Variants in SATB2 observed in about 807,000 individuals in gnomAD.
SATB2 encodes DNA-binding protein SATB2.
SATB2 carries 1 observed loss-of-function variant against 73.4 expected under a neutral mutation model. That is an observed-to-expected ratio of 0.01 (90% CI 0.00 to 0.06). The LOEUF is 0.06. Among genes scored for constraint, SATB2 ranks in the 10% least tolerant of loss-of-function variants. SATB2 has a pLI of 1.00. For synonymous variants in SATB2, 397 were observed against 367.0 expected (o/e 1.08, Z -0.93); for missense variants, 459 against 945.8 (o/e 0.49, Z 6.75).
Position 199,272,556 on chromosome 2 carries a change from T to C in SATB2, c.1857A>G (p.Thr619=), listed in dbSNP as rs772697364. 1.9e-6 allele frequency: 3 copies of C among 1,614,180 alleles called. No homozygotes were observed. The highest frequency in any genetic ancestry group is 2.5e-6 in the Non-Finnish European group (3 of 1,180,020). Residue 619 remains threonine (T), a synonymous_variant, in exon 11 of 11, where the codon ACA becomes ACG. Transcript: ENST00000417098. This position sits in a 1 kb window ranked among gnomAD's most constrained non-coding sequence, Gnocchi z 6.7. ...TCCCCAGGGCTTCTAAGGAGATCTT[T>C]GTGCGAGACCGGGGCTTTTTGGCAC... ...DSCAKKPRSR[T]KISLEALGIL...
rs1295968813 is a variant in SATB2, at chr2:199,270,535, T to C, written c.*1676A>G. 6.7e-6 allele frequency: 1 copy of C among 149,486 alleles called. No individual in the cohort carries two copies. Among genetic ancestry groups the C allele is most frequent in the African/African-American group, 2.4e-5 (1 of 40,898 alleles). The allele number at this position is 149,486 out of a possible 1,614,324, so 9.3% of individuals were successfully genotyped here. ...CAAAAAAAAAAAAAAAATCCAACCA[T>C]GTGGGACTGTTTAATGGCCAGTTTA... On this transcript the variant is annotated 3_prime_UTR_variant, in exon 11 of 11. Transcript: ENST00000417098.
intron 7 of SATB2, among the ~76,000 whole-genome samples, chr2:199,343,888 A>G (rs1218785891): frequency 6.6e-6 from 1 of 152,202 alleles, no homozygotes; most frequent in Non-Finnish European, 1.5e-5. Context: ...TGCTTCAATT[A>G]GACCTTTTAT....
rs182945376 is a variant in SATB2, at chr2:199,433,679, T to C, written c.170-165A>G. 1.1e-3 allele frequency among the ~76,000 whole-genome samples: 173 copies of C among 152,234 alleles called. No individual in the cohort carries two copies. In the Middle Eastern group the frequency reaches 0.017, roughly 15 times the overall value. ...TATAGGTCTAATGGAAAGCTGTGGG[T>C]TTTCCCCCTCTATTATTACAGAATT... On this transcript the variant is annotated intron_variant, in intron 2 of 10. Coordinates refer to ENST00000417098, the MANE Select transcript of SATB2 (RefSeq NM_001172509.2).
intron 3 of SATB2, among the ~76,000 whole-genome samples, chr2:199,423,207 T>C (rs1345777022): frequency 6.6e-6 from 1 of 152,158 alleles, no homozygotes; most frequent in African/African-American, 2.4e-5. Flanking sequence ...ATTGAGTTGC[T>C]TATTTTCCAT....
intron 9 of SATB2, among the ~76,000 whole-genome samples, chr2:199,319,874 G>C (rs966875787): frequency 6.6e-5 from 10 of 152,048 alleles, no homozygotes; most frequent in Non-Finnish European, 1.5e-5. Context: ...ATCAGTGTCT[G>C]GGAAATGGGG....
chr2:199,454,773 A>G (rs1692225262), intron 2 of SATB2, among the ~76,000 whole-genome samples: 2 of 152,200 alleles, frequency 1.3e-5, no homozygotes, highest in South Asian at 4.1e-4. Context: ...TCAACTCTTT[A>G]AGGAGGAATG....
intron 5 of SATB2, among the ~76,000 whole-genome samples, chr2:199,372,443 T>C (rs1029334634): frequency 3.3e-5 from 5 of 152,172 alleles, no homozygotes; most frequent in African/African-American, 1.2e-4. Context: ...TTCTTTTAGG[T>C]TCCTGAAACA....
chr2:199,364,732 A>G (rs1040529593), intron 6 of SATB2, among the ~76,000 whole-genome samples: 1 of 152,152 alleles, frequency 6.6e-6, no homozygotes, highest in Admixed American at 6.6e-5. Context: ...AATAATTGGG[A>G]TTGACCTCAC....
At position 199,271,931 on chromosome 2, in the gene SATB2, T is replaced by C. The variant is rs1384284538; in HGVS notation, c.*280A>G. On this transcript the variant is annotated 3_prime_UTR_variant, in exon 11 of 11. Transcript: ENST00000417098. ...GAGTCTCCTGTGATTATAATGACTA[T>C]GATCCAGTCATAGAGACGGGATAAA... 7 of 476,738 alleles carry C rather than the reference T, an allele frequency of 1.5e-5. No individual in the cohort carries two copies. The highest frequency in any genetic ancestry group is 2.7e-5 in the Non-Finnish European group (7 of 260,966). The allele number at this position is 476,738 out of a possible 1,614,324, so 29.5% of individuals were successfully genotyped here. A position where few individuals can be genotyped will look rare whatever the true frequency, so the allele number is the denominator to read the frequency against.
At chr2:199,320,204 C>T (rs576104518) in intron 9 of SATB2, among the ~76,000 whole-genome samples, 42 of 152,148 alleles carry the variant, frequency 2.8e-4, no homozygotes, top group South Asian at 4.2e-4. Flanking sequence ...ACACAGAAAA[C>T]GCTCCATATG....
intron 6 of SATB2, among the ~76,000 whole-genome samples, chr2:199,359,701 T>A (rs1689083596): frequency 6.6e-6 from 1 of 152,168 alleles, no homozygotes; most frequent in Non-Finnish European, 1.5e-5. Flanking sequence ...AATGGATATG[T>A]TCCTGTGTTC....
In SATB2 at chr2:199,272,560, C is replaced by T. The variant is rs1223479618; in HGVS notation, c.1853G>A (p.Arg618His). The T allele has an allele frequency of 1.2e-6, 2 of 1,614,064 alleles. No homozygotes were observed. Among genetic ancestry groups the T allele is most frequent in the South Asian group, 1.1e-5 (1 of 91,072 alleles). Reference sequence around the variant, plus strand: ...CAGGGCTTCTAAGGAGATCTTTGTGCGAGACCGGGGCTTTTTGGCACAACT... The same window carrying T: ...CAGGGCTTCTAAGGAGATCTTTGTGTGAGACCGGGGCTTTTTGGCACAACT... ...EDSCAKKPRS[R>H]TKISLEALGI... Residue 618 changes from arginine (R) to histidine (H), a missense_variant, in exon 11 of 11, where the codon CGC becomes CAC. By Grantham distance (29) the Arg-to-His change is conservative. Transcript: ENST00000417098. The surrounding 1 kb of genome is among the most constrained non-coding windows in gnomAD (Gnocchi z 6.7).
intron 5 of SATB2, among the ~76,000 whole-genome samples, chr2:199,370,398 T>C (rs1483112396): frequency 6.6e-6 from 1 of 152,142 alleles, no homozygotes; most frequent in African/African-American, 2.4e-5. Context: ...TGAAAGTAGC[T>C]TAATAATAGA....
chr2:199,414,009 A>T (rs1250002098), intron 3 of SATB2, among the ~76,000 whole-genome samples: 1 of 152,164 alleles, frequency 6.6e-6, no homozygotes, highest in Non-Finnish European at 1.5e-5. Flanking sequence ...TATTCCTAAC[A>T]TGTCACTCCA....
At chr2:199,335,579 G>A (rs977554046) in intron 7 of SATB2, among the ~76,000 whole-genome samples, 2 of 152,106 alleles carry the variant, frequency 1.3e-5, no homozygotes, top group South Asian at 2.1e-4. Flanking sequence ...TGCACTTAGC[G>A]GCCAGTTGGT....
At position 199,463,909 on chromosome 2, in the gene SATB2, A is replaced by AG. The variant is rs1692536197; in HGVS notation, c.-141+926dup. ...AGGCAAGCTCAGGCAGCCGGGTGCA[A>AG]GGGGGCCCAAACCGCAGTTGCCTCC... On this transcript the variant is annotated intron_variant, in intron 1 of 11. Coordinates refer to the SATB2 transcript ENST00000260926. This position sits in a 1 kb window ranked among gnomAD's most constrained non-coding sequence, Gnocchi z 6.4. Among the ~76,000 whole-genome samples the AG allele has an allele frequency of 6.6e-6, 1 of 152,122 alleles. No individual in the cohort carries two copies. The highest frequency in any genetic ancestry group is 2.1e-4 in the South Asian group (1 of 4,830).
At chr2:199,393,403 A>T (rs1690206023) in intron 3 of SATB2, among the ~76,000 whole-genome samples, 2 of 152,104 alleles carry the variant, frequency 1.3e-5, no homozygotes, top group South Asian at 4.2e-4. Context: ...CATATGGAAA[A>T]GTGAGCGCCC....
intron 10 of SATB2, among the ~76,000 whole-genome samples, chr2:199,307,699 G>C (rs1042083959): frequency 2.0e-5 from 3 of 152,152 alleles, no homozygotes; most frequent in Non-Finnish European, 2.9e-5. Context: ...TAGATGAAAA[G>C]TGACATAAAG....
At chr2:199,290,182 G>A (rs1692813676) in intron 10 of SATB2, among the ~76,000 whole-genome samples, 1 of 152,240 alleles carries the variant, frequency 6.6e-6, no homozygotes, top group Admixed American at 6.5e-5. Flanking sequence ...GAATCTGTAA[G>A]AGCCATGAGC....
Sources: allele counts gnomAD v4.1 joint callset (sites outside exome capture counted in the v4.1 genomes callset), GRCh38; gene constraint gnomAD v4.1.1; non-coding constraint Gnocchi (gnomAD v3.1); transcripts MANE v1.5; gene names NCBI Gene and HGNC (gene_info 2026-07-23, HGNC 2026-07-21).